NUP210: variants seen among roughly 807,000 people sequenced by gnomAD.
NUP210 encodes nuclear pore membrane glycoprotein 210.
A neutral mutation model predicts 196.0 loss-of-function variants in NUP210; 151 were observed. The observed-to-expected ratio is 0.77, with a 90% CI of 0.67 to 0.88. NUP210 has a LOEUF of 0.88. NUP210 is among the 40% of genes least tolerant of loss of function. The pLI is 0.00. For missense variants in NUP210, 2,314 were observed against 2,493.7 expected (o/e 0.93, Z 1.53); for synonymous variants, 1,070 against 1,052.7 (o/e 1.02, Z -0.32).
chr3:13,340,476 C>T lies in NUP210; in HGVS notation c.3229-178G>A, dbSNP rs1697430039. Among the ~76,000 whole-genome samples, 1 of 152,218 alleles carries T rather than the reference C, an allele frequency of 6.6e-6. No homozygotes were observed. Among genetic ancestry groups the T allele is most frequent in the Non-Finnish European group, 1.5e-5 (1 of 68,030 alleles). On this transcript the variant is annotated intron_variant, in intron 23 of 39. Transcript: ENST00000254508. The surrounding 1 kb of genome is among the most constrained non-coding windows in gnomAD (Gnocchi z 4.0). Reference sequence around the variant, plus strand: ...AATGCTGGGGGCTGTCTCCCAGCCACTGGCCGAGGCTCCCTGGTTCTCTGG... The same window carrying T: ...AATGCTGGGGGCTGTCTCCCAGCCATTGGCCGAGGCTCCCTGGTTCTCTGG...
intron 3 of NUP210, among the ~76,000 whole-genome samples, chr3:13,395,676 GT>G (rs1293583322): frequency 6.6e-6 from 1 of 152,106 alleles, no homozygotes; most frequent in Non-Finnish European, 1.5e-5. Flanking sequence ...ACCGTGTTTT[GT>G]TTTTCCACTC....
intron 1 of NUP210, among the ~76,000 whole-genome samples, chr3:13,409,221 G>A (rs988980415): frequency 5.3e-5 from 8 of 152,206 alleles, no homozygotes; most frequent in African/African-American, 1.9e-4. Flanking sequence ...TGTCTGCTAT[G>A]GTCTGAATGT....
chr3:13,415,253 T>G (rs1700307756), intron 1 of NUP210, among the ~76,000 whole-genome samples: 1 of 152,208 alleles, frequency 6.6e-6, no homozygotes, highest in Non-Finnish European at 1.5e-5. Context: ...CACAGACATT[T>G]GTCACCTCTT....
chr3:13,390,890 G>A (rs979518297), intron 4 of NUP210, among the ~76,000 whole-genome samples: 2 of 152,220 alleles, frequency 1.3e-5, no homozygotes, highest in Non-Finnish European at 2.9e-5. Flanking sequence ...TGGCCCCCCA[G>A]AAGTGCAGCC....
At position 13,348,782 on chromosome 3, in the gene NUP210, C is replaced by A. The variant is rs544415005; in HGVS notation, c.2835+3097G>T. 3 of 985,258 alleles carry A rather than the reference C, an allele frequency of 3.0e-6. No homozygotes were observed. The African/African-American group carries it at 5.2e-5, about 17-fold the overall frequency. The allele number at this position is 985,258 out of a possible 1,614,324, so 61.0% of individuals were successfully genotyped here. A position where few individuals can be genotyped will look rare whatever the true frequency, so the allele number is the denominator to read the frequency against. On this transcript the variant is annotated intron_variant, in intron 20 of 39. Coordinates refer to ENST00000254508, the MANE Select transcript of NUP210 (RefSeq NM_024923.4). This position sits in a 1 kb window ranked among gnomAD's most constrained non-coding sequence, Gnocchi z 4.0. ...AACAGGAACAGTGGGACTCCCTCCC[C>A]CTCCTTGAGGCACGGCGCTGAGAAA...
intron 3 of NUP210, 109 bp downstream of exon 3, chr3:13,397,248 C>G: frequency 7.4e-7 from 1 of 1,360,232 alleles, no homozygotes. Flanking sequence ...CTCTAGGGAC[C>G]TGCAGGGTTG....
Position 13,323,308 on chromosome 3 carries a change from C to T in NUP210, c.4768+1G>A. 1.9e-6 allele frequency: 3 copies of T among 1,614,108 alleles called. No individual in the cohort carries two copies. The highest frequency in any genetic ancestry group is 2.5e-6 in the Non-Finnish European group (3 of 1,179,968). ...GACAGCCCAAGCCCCTCATTAAGTA[C>T]CTCTCAGGTTAGAGCTTCTGTCTCC... On this transcript the variant is annotated splice_donor_variant, in intron 34 of 39. Coordinates refer to ENST00000254508, the MANE Select transcript of NUP210 (RefSeq NM_024923.4). LOFTEE classifies it high-confidence loss of function. The surrounding 1 kb of genome is among the most constrained non-coding windows in gnomAD (Gnocchi z 4.3).
rs141744656 is a variant in NUP210, at chr3:13,365,993, C to T, written c.1885G>A (p.Val629Ile). 5.6e-5 allele frequency: 90 copies of T among 1,614,206 alleles called. No homozygotes were observed. The African/African-American group carries it at 1.0e-3, about 18-fold the overall frequency. ...TLLVSYRHGH[V>I]HLSAKITIAA... The stretch of plus-strand genomic sequence containing the variant: ...ATGGTGATCTTGGCACTCAGGTGGA[C>T]GTGGCCGTGTCTGTAGCTCACAAGA... Residue 629 changes from valine (V) to isoleucine (I), a missense_variant, in exon 14 of 40, where the codon GTC (valine) becomes ATC (isoleucine). Coordinates refer to ENST00000254508, the MANE Select transcript of NUP210 (RefSeq NM_024923.4).
In NUP210 at chr3:13,321,754, A is replaced by T; in HGVS notation, c.4997T>A (p.Val1666Glu). Residue 1666 changes from valine (V) to glutamate (E), a missense_variant, in exon 36 of 40, where the codon GTG becomes GAG. Coordinates refer to ENST00000254508, the MANE Select transcript of NUP210 (RefSeq NM_024923.4). ...KHLSMKKTAL[V>E]VSASLSSSHF... ...GCTGCTGGAGAGGGAGGCACTGACC[A>T]CCAGAGCTGTCTTCTTCATGCTCAG... The T allele has an allele frequency of 6.2e-7, 1 of 1,613,516 alleles. No homozygotes were observed. Among genetic ancestry groups the T allele is most frequent in the Non-Finnish European group, 8.5e-7 (1 of 1,180,020 alleles).
In NUP210 at chr3:13,375,586, A is replaced by T; in HGVS notation, c.1349T>A (p.Ile450Asn). ...VPVWNQQEVE[I>N]HIPITLYPSI... ...GGGATACAGGGTGATCGGGATGTGA[A>T]TTTCCACCTCCTGCTGGTTCCACAC... is the stretch of plus-strand genomic sequence containing the variant. Residue 450 changes from isoleucine to asparagine, a missense_variant, in exon 11 of 40, where the codon ATT (isoleucine) becomes AAT (asparagine). Coordinates refer to ENST00000254508, the MANE Select transcript of NUP210 (RefSeq NM_024923.4). 6.2e-7 allele frequency: 1 copy of T among 1,614,052 alleles called. No homozygotes were observed. Among genetic ancestry groups the T allele is most frequent in the Non-Finnish European group, 8.5e-7 (1 of 1,179,994 alleles).
At chr3:13,385,564 G>A (rs974954099) in intron 6 of NUP210, among the ~76,000 whole-genome samples, 1 of 152,228 alleles carries the variant, frequency 6.6e-6, no homozygotes, top group African/African-American at 2.4e-5. Context: ...ATGAGAAACA[G>A]CCCTGGAGAA....
chr3:13,318,234 A>C lies in NUP210; in HGVS notation c.5564-453T>G, dbSNP rs150107587. On this transcript the variant is annotated intron_variant, in intron 39 of 39. Coordinates refer to ENST00000254508, the MANE Select transcript of NUP210 (RefSeq NM_024923.4). ...GAGCACGCTGAGAGAGGCAGCTAGA[A>C]AGGGCAGGCACCTGCTGCCAGAGCA... 3.3e-5 allele frequency among the ~76,000 whole-genome samples: 5 copies of C among 152,096 alleles called. No homozygotes were observed. The East Asian group carries it at 9.7e-4, about 30-fold the overall frequency.
chr3:13,364,327 T>G (rs1176833025), intron 14 of NUP210, among the ~76,000 whole-genome samples: 2 of 152,158 alleles, frequency 1.3e-5, no homozygotes, highest in African/African-American at 4.8e-5. Flanking sequence ...GTGTGGAGGA[T>G]GAGGAGCAGG....
At position 13,399,758 on chromosome 3, in the gene NUP210, G is replaced by C. The variant is rs777670578; in HGVS notation, c.271C>G (p.Arg91Gly). The C allele has an allele frequency of 5.0e-6, 8 of 1,613,998 alleles. No homozygotes were observed. The change falls in exon 2 of 40, where the codon CGC becomes GGC. Residue 91 changes from arginine (R) to glycine (G), a missense_variant. Coordinates refer to ENST00000254508, the MANE Select transcript of NUP210 (RefSeq NM_024923.4). ...TCTGCGAAGATGATGCTGGTGAGGC[G>C]GGCAGGCTGGGTCAGGCGGGCCTGC... ...VVQARLTQPA[R>G]LTSIIFAEDI...
intron 6 of NUP210, among the ~76,000 whole-genome samples, chr3:13,385,247 T>G (rs975379731): frequency 1.3e-5 from 2 of 152,186 alleles, no homozygotes; most frequent in East Asian, 3.9e-4. Flanking sequence ...TATGCTGAAG[T>G]GTGTATCTGC....
Position 13,406,136 on chromosome 3 carries a change from G to A in NUP210, c.168-6275C>T, listed in dbSNP as rs117924695. ...TTTTAATGGTGGCAGTGAAGTGACTGCAGTCCCCACTACCCACTACTGAGG... is the reference window on the plus strand; with the variant it reads ...TTTTAATGGTGGCAGTGAAGTGACTACAGTCCCCACTACCCACTACTGAGG... On this transcript the variant is annotated intron_variant, in intron 1 of 39. Transcript: ENST00000254508. Among the ~76,000 whole-genome samples, 7 of 152,302 alleles carry A rather than the reference G, an allele frequency of 4.6e-5. No homozygotes were observed. The East Asian group carries it at 1.3e-3, about 29-fold the overall frequency.
Position 13,317,629 on chromosome 3 carries a change from G to A in NUP210, c.*52C>T, listed in dbSNP as rs1397565202. ...GAATGCAGCAGGGATGTTCCATCTT[G>A]GGGGTGCACGAGGCTCGGCTGAGAC... On this transcript the variant is annotated 3_prime_UTR_variant, in exon 40 of 40. Coordinates refer to ENST00000254508, the MANE Select transcript of NUP210 (RefSeq NM_024923.4). 3 of 1,292,512 alleles carry A rather than the reference G, an allele frequency of 2.3e-6. No homozygotes were observed. The African/African-American group carries it at 4.4e-5, about 19-fold the overall frequency. The allele number at this position is 1,292,512 out of a possible 1,614,324, so 80.1% of individuals were successfully genotyped here.
intron 1 of NUP210, among the ~76,000 whole-genome samples, chr3:13,408,272 T>C (rs1700059162): frequency 6.6e-6 from 1 of 152,202 alleles, no homozygotes; most frequent in African/African-American, 2.4e-5. Flanking sequence ...TTTGATTAGC[T>C]AGTATTTTAA....
intron 6 of NUP210, among the ~76,000 whole-genome samples, chr3:13,383,777 T>A (rs1699179597): frequency 6.6e-6 from 1 of 151,940 alleles, no homozygotes; most frequent in African/African-American, 2.4e-5. Flanking sequence ...TCCGCCCGCC[T>A]CGGCCTCCCA....
Sources: gnomAD v4.1 joint callset for allele counts (sites outside exome capture counted in the v4.1 genomes callset) on GRCh38, gnomAD v4.1.1 for gene constraint, Gnocchi (gnomAD v3.1) non-coding constraint, MANE v1.5 for transcripts, NCBI Gene and HGNC (gene_info 2026-07-23, HGNC 2026-07-21) for gene names.